The following TEF variants were observed in gnomAD, a reference collection of about 807,000 sequenced individuals.
TEF encodes thyrotroph embryonic factor.
Under a neutral mutation model 20.8 loss-of-function variants are expected in TEF, and 3 were observed. The observed-to-expected ratio is 0.14, with a 90% CI of 0.07 to 0.37. TEF has a LOEUF of 0.37. Among genes scored for constraint, TEF ranks in the 10% least tolerant of loss-of-function variants. TEF has a pLI of 1.00. For synonymous variants in TEF, 180 were observed against 171.1 expected (o/e 1.05, Z -0.41); for missense variants, 296 against 397.9 (o/e 0.74, Z 2.18).
At chr22:41,379,105 C>A (rs1296461343), upstream of TEF, among the ~76,000 whole-genome samples, 1 of 151,736 alleles carries the variant, frequency 6.6e-6, no homozygotes, top group South Asian at 2.1e-4. Flanking sequence ...CTTTGGGAGA[C>A]GCGGGTGGAT....
At chr22:41,369,339 A>C in intron 1 of TEF, 4 of 820,156 alleles carry the variant, frequency 4.9e-6, no homozygotes, top group Non-Finnish European at 5.9e-6. Context: ...TTTGCCGAGC[A>C]CTGGCAAGCT....
intron 1 of TEF, chr22:41,367,747 G>A (rs1039597359): frequency 7.0e-5 from 51 of 733,752 alleles, no homozygotes; most frequent in Non-Finnish European, 1.1e-4. Flanking sequence ...TGCAGAGTGC[G>A]GAGAGGGGTT....
intron 2 of TEF, among the ~76,000 whole-genome samples, chr22:41,388,092 G>A (rs1197113943): frequency 7.1e-6 from 1 of 140,040 alleles, no homozygotes; most frequent in Non-Finnish European, 1.5e-5. Flanking sequence ...CCACCTCCTG[G>A]GTTCAATCAA....
At chr22:41,381,809 C>T, upstream of TEF, 1 of 1,092,490 alleles carries the variant, frequency 9.2e-7, no homozygotes, top group Non-Finnish European at 1.2e-6. Flanking sequence ...GCGCCTGCCC[C>T]TCTCGCAGGC....
At chr22:41,377,423 A>G (rs2036957005), upstream of TEF, 1 of 152,116 alleles carries the variant, frequency 6.6e-6, no homozygotes, top group Non-Finnish European at 1.5e-5. Context: ...CAGCCTTTAA[A>G]GTCTTAATCG....
intron 1 of TEF, chr22:41,367,717 G>A: frequency 9.9e-7 from 1 of 1,007,588 alleles, no homozygotes; most frequent in South Asian, 1.6e-5. Flanking sequence ...CTCAGCAGTG[G>A]TGCGCCCTTG....
chr22:41,396,932 C>T lies in TEF; in HGVS notation c.*972C>T. On this transcript the variant is annotated 3_prime_UTR_variant, in exon 4 of 4. Transcript: ENST00000266304. The stretch of plus-strand genomic sequence containing the variant: ...GTGTTTAGAAAATGCCTCCACAGCC[C>T]CCTTCCACCATGGGCATGAGAGCTG... 1 of 398,638 alleles carries T rather than the reference C, an allele frequency of 2.5e-6. No individual in the cohort carries two copies. The highest frequency in any genetic ancestry group is 4.4e-6 in the Non-Finnish European group (1 of 226,108). The allele number at this position is 398,638 out of a possible 1,614,324, so 24.7% of individuals were successfully genotyped here.
intron 1 of TEF, among the ~76,000 whole-genome samples, chr22:41,383,694 T>TA (rs2037062565): frequency 6.6e-6 from 1 of 152,246 alleles, no homozygotes; most frequent in Admixed American, 6.5e-5. Context: ...CTTTATCTCT[T>TA]ACAATTTAAA....
intron 3 of TEF, among the ~76,000 whole-genome samples, 177 bp from the exon 4 acceptor site, chr22:41,395,568 C>T (rs2037217266): frequency 6.6e-6 from 1 of 152,064 alleles, no homozygotes; most frequent in Non-Finnish European, 1.5e-5. Context: ...CTCGTCCTGC[C>T]CCCGAGGAAA....
At chr22:41,369,105 G>A in intron 1 of TEF, 1 of 985,418 alleles carries the variant, frequency 1.0e-6, no homozygotes. Flanking sequence ...CACACATGAA[G>A]GGCGAGGCTG....
chr22:41,369,988 C>T lies in TEF; in HGVS notation c.67+2389C>T, dbSNP rs2036862540. On this transcript the variant is annotated intron_variant, in intron 1 of 3. Transcript: ENST00000406644. ...GCACACATTTAGGTCATGTGCAGAG[C>T]GTATCTCACCTCCAGTGGGAGGGAA... 7.1e-6 allele frequency: 7 copies of T among 985,320 alleles called. No homozygotes were observed. The Admixed American group carries it at 1.8e-4, about 26-fold the overall frequency. The allele number at this position is 985,320 out of a possible 1,614,324, so 61.0% of individuals were successfully genotyped here.
rs1432078904 is a variant in TEF, at chr22:41,396,115, C to T, written c.*155C>T. On this transcript the variant is annotated 3_prime_UTR_variant, in exon 4 of 4. Coordinates refer to ENST00000266304, the MANE Select transcript of TEF (RefSeq NM_003216.4). ...GCGGCCACGTCTCAGCTTCATTATA[C>T]CATGGCCTGCGCACGTGGCGACGTC... is the stretch of plus-strand genomic sequence containing the variant. 2.5e-6 allele frequency: 2 copies of T among 790,608 alleles called. No homozygotes were observed. Among genetic ancestry groups the T allele is most frequent in the African/African-American group, 3.5e-5 (2 of 57,416 alleles). 49.0% of individuals were successfully genotyped at this position (790,608 alleles called of 1,614,324 possible).
intron 1 of TEF, chr22:41,369,115 G>C (rs2036851727): frequency 1.1e-5 from 11 of 985,432 alleles, no homozygotes; most frequent in Non-Finnish European, 1.3e-5. Flanking sequence ...GGGCGAGGCT[G>C]CCAGTGGGGC....
upstream of TEF, among the ~76,000 whole-genome samples, chr22:41,381,547 A>G (rs1293282486): frequency 2.0e-5 from 3 of 152,088 alleles, no homozygotes; most frequent in Non-Finnish European, 2.9e-5. Context: ...CGCGTCGGGA[A>G]GGTTGCAAGT....
At position 41,398,959 on chromosome 22, in the gene TEF, A is replaced by T. The variant is rs1354200436; in HGVS notation, c.*2999A>T. The T allele has an allele frequency of 6.6e-6, 1 of 152,570 alleles. No individual in the cohort carries two copies. The highest frequency in any genetic ancestry group is 1.5e-5 in the Non-Finnish European group (1 of 68,018). The allele number at this position is 152,570 out of a possible 1,614,324, so 9.5% of individuals were successfully genotyped here. On this transcript the variant is annotated 3_prime_UTR_variant, in exon 4 of 4. Transcript: ENST00000266304. Reference sequence around the variant, plus strand: ...AACATCTGCTAATTAAGTGCAATAAATTTTTCTAGAAAATGGCAAAGATGA... The same window carrying T: ...AACATCTGCTAATTAAGTGCAATAATTTTTTCTAGAAAATGGCAAAGATGA...
intron 1 of TEF, chr22:41,369,225 G>A: frequency 1.0e-6 from 1 of 985,418 alleles, no homozygotes; most frequent in Non-Finnish European, 1.2e-6. Context: ...GCTCCCAGCT[G>A]GTCTGTGGGG....
chr22:41,368,334 T>G (rs1358811841), intron 1 of TEF, among the ~76,000 whole-genome samples: 1 of 152,112 alleles, frequency 6.6e-6, no homozygotes, highest in Non-Finnish European at 1.5e-5. Context: ...AACTCCTCCT[T>G]GCCTTTAGAG....
upstream of TEF, chr22:41,377,366 A>G (rs989176153): frequency 1.8e-4 from 27 of 151,662 alleles, no homozygotes; most frequent in African/African-American, 6.3e-4. Context: ...CCATACCTTT[A>G]TTTTTCTCTT....
At position 41,397,400 on chromosome 22, in the gene TEF, G is replaced by A. The variant is rs995465839; in HGVS notation, c.*1440G>A. On this transcript the variant is annotated 3_prime_UTR_variant, in exon 4 of 4. Coordinates refer to ENST00000266304, the MANE Select transcript of TEF (RefSeq NM_003216.4). ...TCACTGGGACACCCCTGAGATGGGT[G>A]TGTTTATTTGCTCAGGGCGGGCAGC... The A allele has an allele frequency of 8.3e-5, 25 of 302,550 alleles. No individual in the cohort carries two copies. The highest frequency in any genetic ancestry group is 2.0e-4 in the Admixed American group (4 of 19,566). The allele number at this position is 302,550 out of a possible 1,614,324, so 18.7% of individuals were successfully genotyped here.
Sources: gnomAD v4.1 joint callset for allele counts (sites outside exome capture counted in the v4.1 genomes callset) on GRCh38, gnomAD v4.1.1 for gene constraint, MANE v1.5 for transcripts, NCBI Gene and HGNC (gene_info 2026-07-23, HGNC 2026-07-21) for gene names.